RAP1B: variants seen among roughly 807,000 people sequenced by gnomAD.
The protein encoded by RAP1B is RAP1B, member of RAS oncogene family.
A neutral mutation model predicts 27.5 loss-of-function variants in RAP1B; 1 was observed. That is an observed-to-expected ratio of 0.04 (90% CI 0.01 to 0.17). The LOEUF (loss-of-function observed/expected upper bound fraction) is 0.17, where lower values mean the gene tolerates loss of function less well. RAP1B is among the 10% of genes least tolerant of loss of function. The probability of loss-of-function intolerance (pLI) is 1.00; values close to 1 mark genes in which losing one functional copy is unlikely to be tolerated. For synonymous variants in RAP1B, 75 were observed against 73.1 expected, an observed-to-expected ratio of 1.03 and a Z score of -0.13; for missense variants, 84 against 214.8, an observed-to-expected ratio of 0.39 and a Z score of 3.81.
intron 7 of RAP1B, among the ~76,000 whole-genome samples, chr12:68,658,195 C>T (rs756871379): frequency 1.3e-5 from 2 of 152,206 alleles, no homozygotes; most frequent in African/African-American, 4.8e-5. Context: ...TCAGTGCTGC[C>T]ATAGCACTTT....
chr12:68,670,411 A>C lies in RAP1B; in HGVS notation c.*11162A>C, dbSNP rs1392503779. Reference sequence around the variant, plus strand: ...TAGAAGTCTTAGAAGAAAATCTAAGAGACTAGAAATCTAGAGATAGGGTAG... The same window carrying C: ...TAGAAGTCTTAGAAGAAAATCTAAGCGACTAGAAATCTAGAGATAGGGTAG... On this transcript the variant is annotated 3_prime_UTR_variant, in exon 8 of 8. Coordinates refer to ENST00000250559, the MANE Select transcript of RAP1B (RefSeq NM_001010942.3). 1 of 152,250 alleles carries C rather than the reference A, an allele frequency of 6.6e-6. No individual in the cohort carries two copies. Among genetic ancestry groups the C allele is most frequent in the East Asian group, 1.9e-4 (1 of 5,202 alleles). 9.4% of individuals were successfully genotyped at this position (152,250 alleles called of 1,614,324 possible).
chr12:68,636,131 C>CATCTTCTTAAAATGTAGAATT (rs1872617251), intron 1 of RAP1B, among the ~76,000 whole-genome samples: 1 of 151,976 alleles, frequency 6.6e-6, no homozygotes, highest in African/African-American at 2.4e-5. Flanking sequence ...GTGATCTGCC[C>CATCTTCTTAAAATGTAGAATT]GCCTTGGCCT....
intron 1 of RAP1B, among the ~76,000 whole-genome samples, chr12:68,646,203 A>C (rs1400722383): frequency 2.0e-5 from 3 of 152,172 alleles, no homozygotes; most frequent in Non-Finnish European, 4.4e-5. Flanking sequence ...CAGTATTTTA[A>C]AATTGTAGTT....
intron 1 of RAP1B, among the ~76,000 whole-genome samples, chr12:68,634,171 A>G (rs1044771079): frequency 5.9e-5 from 9 of 152,246 alleles, no homozygotes; most frequent in African/African-American, 2.2e-4. Context: ...AAACACCTAG[A>G]TAGATATAAT....
rs142100613 is a variant in RAP1B at position 68,650,389 on chromosome 12, T to A, written c.58-11T>A. 1,831 of 1,538,802 alleles carry A rather than the reference T, an allele frequency of 1.2e-3. 22 individuals are homozygous for A. In the African/African-American group the frequency reaches 0.022, roughly 19 times the overall value. On this transcript the variant is annotated splice_polypyrimidine_tract_variant and intron_variant, in intron 2 of 7. Transcript: ENST00000250559. ...TTTAGAAGTATAATGGTTTCTTAAT[T>A]TTTTTTTCAGACTGTACAATTTGTT...
At chr12:68,627,871 G>T (rs1327360713) in intron 1 of RAP1B, among the ~76,000 whole-genome samples, 1 of 152,108 alleles carries the variant, frequency 6.6e-6, no homozygotes, top group Non-Finnish European at 1.5e-5. Flanking sequence ...GGCCAAGGCA[G>T]GAGGATCACT....
intron 1 of RAP1B, among the ~76,000 whole-genome samples, chr12:68,624,038 A>AAAG (rs1555170961): frequency 2.6e-5 from 4 of 151,920 alleles, no homozygotes; most frequent in African/African-American, 9.7e-5. Flanking sequence ...AAAAAAAAAA[A>AAAG]AGAGAGAGAG....
intron 7 of RAP1B, among the ~76,000 whole-genome samples, 198 bp from the exon 8 acceptor site, chr12:68,659,082 C>G (rs1874446484): frequency 6.6e-6 from 1 of 152,250 alleles, no homozygotes; most frequent in African/African-American, 2.4e-5. Context: ...TTCAAGAGGG[C>G]AGCAGAATAG....
intron 1 of RAP1B, among the ~76,000 whole-genome samples, chr12:68,617,010 A>G (rs553943021): frequency 7.2e-5 from 11 of 152,326 alleles, no homozygotes; most frequent in Admixed American, 2.0e-4. Context: ...TTTAGTAGCA[A>G]TTTTTGGTGA....
chr12:68,615,584 C>CAA (rs570915847), intron 1 of RAP1B, among the ~76,000 whole-genome samples: 1 of 132,434 alleles, frequency 7.6e-6, no homozygotes, highest in Non-Finnish European at 1.6e-5. Context: ...GTGAGACTGT[C>CAA]AAAAAAAAAA....
intron 1 of RAP1B, among the ~76,000 whole-genome samples, chr12:68,629,018 T>G (rs11177316): frequency 0.25 from 37,543 of 151,948 alleles, 5,479 homozygotes; most frequent in Non-Finnish European, 0.34. Context: ...CTTCTATCTG[T>G]CTGTCTGTCT....
rs143747941 is a variant in RAP1B, at chr12:68,636,915, A to G, written c.-26-11784A>G. ...GTGATCCACCCACCTCAGCCTCCCA[A>G]TGTGCTGAGATTCCAGGCATGAGCC... On this transcript the variant is annotated intron_variant, in intron 1 of 7. Transcript: ENST00000250559. Among the ~76,000 whole-genome samples, 351 of 151,656 alleles carry G rather than the reference A, an allele frequency of 2.3e-3. 2 individuals carry two copies. The highest frequency in any genetic ancestry group is 8.3e-3 in the African/African-American group (343 of 41,324).
chr12:68,635,019 A>G (rs149161552), intron 1 of RAP1B, among the ~76,000 whole-genome samples: 1 of 152,302 alleles, frequency 6.6e-6, no homozygotes, highest in East Asian at 1.9e-4. Flanking sequence ...AGATTTAGAA[A>G]TCTTGTTCAC....
intron 1 of RAP1B, among the ~76,000 whole-genome samples, chr12:68,634,460 G>A (rs1035138515): frequency 2.0e-5 from 3 of 151,994 alleles, no homozygotes; most frequent in Non-Finnish European, 4.4e-5. Context: ...CAGATGACAG[G>A]GAAAAAAGGA....
Position 68,662,539 on chromosome 12 carries a change from T to G in RAP1B, c.*3290T>G, listed in dbSNP as rs1874656882. 1 of 152,048 alleles carries G rather than the reference T, an allele frequency of 6.6e-6. No homozygotes were observed. Among genetic ancestry groups the G allele is most frequent in the African/African-American group, 2.4e-5 (1 of 41,440 alleles). The allele number at this position is 152,048 out of a possible 1,614,324, so 9.4% of individuals were successfully genotyped here. A position where few individuals can be genotyped will look rare whatever the true frequency, so the allele number is the denominator to read the frequency against. On this transcript the variant is annotated 3_prime_UTR_variant, in exon 8 of 8. Coordinates refer to ENST00000250559, the MANE Select transcript of RAP1B (RefSeq NM_001010942.3). ...CGTCTTTAGTTGTGGGACAGCAAACTTAGAATCGAAACTCATCACTACAAC... is the reference window on the plus strand; with the variant it reads ...CGTCTTTAGTTGTGGGACAGCAAACGTAGAATCGAAACTCATCACTACAAC...
In RAP1B at chr12:68,666,870, C is replaced by G. The variant is rs1874876833; in HGVS notation, c.*7621C>G. 1 of 152,130 alleles carries G rather than the reference C, an allele frequency of 6.6e-6. No individual in the cohort carries two copies. The highest frequency in any genetic ancestry group is 1.5e-5 in the Non-Finnish European group (1 of 68,034). The allele number at this position is 152,130 out of a possible 1,614,324, so 9.4% of individuals were successfully genotyped here. A position where few individuals can be genotyped will look rare whatever the true frequency, so the allele number is the denominator to read the frequency against. On this transcript the variant is annotated 3_prime_UTR_variant, in exon 8 of 8. Coordinates refer to ENST00000250559, the MANE Select transcript of RAP1B (RefSeq NM_001010942.3). ...GAGATCCTGAGCACCTAGGAAAGCCCCAGAATTAAGCTACTCTACAAGGAT... is the reference window on the plus strand; with the variant it reads ...GAGATCCTGAGCACCTAGGAAAGCCGCAGAATTAAGCTACTCTACAAGGAT...
intron 1 of RAP1B, among the ~76,000 whole-genome samples, chr12:68,630,689 T>G (rs1371888838): frequency 6.6e-6 from 1 of 152,082 alleles, no homozygotes; most frequent in Admixed American, 6.5e-5. Flanking sequence ...GTTTTTTTGT[T>G]TTTTTCAAGG....
intron 1 of RAP1B, among the ~76,000 whole-genome samples, chr12:68,640,640 T>TA: frequency 6.6e-6 from 1 of 152,358 alleles, no homozygotes; most frequent in Middle Eastern, 3.4e-3. Flanking sequence ...TTCTTTTTAA[T>TA]ACATAAATTT....
At chr12:68,628,988 CTT>C (rs1157280593) in intron 1 of RAP1B, among the ~76,000 whole-genome samples, 3 of 151,310 alleles carry the variant, frequency 2.0e-5, no homozygotes, top group East Asian at 3.9e-4. Flanking sequence ...TCCTTTATCT[CTT>C]TTTATTTATT....
Sources: gnomAD v4.1 joint callset for allele counts (sites outside exome capture counted in the v4.1 genomes callset) on GRCh38, gnomAD v4.1.1 for gene constraint, MANE v1.5 for transcripts, NCBI Gene and HGNC (gene_info 2026-07-23, HGNC 2026-07-21) for gene names.